DCC: variants seen among roughly 807,000 people sequenced by gnomAD.
The protein encoded by DCC is netrin receptor DCC.
Under a neutral mutation model 172.5 loss-of-function variants are expected in DCC, and 58 were observed. The observed-to-expected ratio is 0.34, with a 90% CI of 0.27 to 0.42. The LOEUF (loss-of-function observed/expected upper bound fraction) is 0.42. Ranked by LOEUF, DCC falls within the 10% of genes least tolerant of loss-of-function variation. The pLI is 1.00. For synonymous variants in DCC, 709 were observed against 644.5 expected (o/e 1.10, Z -1.52); for missense variants, 1,740 against 1,791.0 (o/e 0.97, Z 0.51).
At chr18:53,336,140 T>A (rs1186855118) in intron 14 of DCC, among the ~76,000 whole-genome samples, 1 of 152,196 alleles carries the variant, frequency 6.6e-6, no homozygotes, top group Admixed American at 6.5e-5. Flanking sequence ...ATAACTACTC[T>A]ACTATTCCTC....
At chr18:53,313,065 T>TAA (rs1351862789) in intron 13 of DCC, among the ~76,000 whole-genome samples, 631 of 40,186 alleles carry the variant, frequency 0.016, 3 homozygotes, top group Admixed American at 0.057. Context: ...AAGGAAAGGG[T>TAA]GGAAAGGAAG....
chr18:53,512,570 T>G (rs1018438313), intron 27 of DCC, among the ~76,000 whole-genome samples: 21 of 147,950 alleles, frequency 1.4e-4, no homozygotes, highest in African/African-American at 5.0e-4. Flanking sequence ...TGAAAAAAAT[T>G]TAGAAGAATG....
chr18:53,136,209 C>CTATCTA (rs1052070144), intron 7 of DCC, among the ~76,000 whole-genome samples: 1 of 144,296 alleles, frequency 6.9e-6, no homozygotes, highest in Non-Finnish European at 1.5e-5. Context: ...ATCTATCTAT[C>CTATCTA]TATATATATA....
At chr18:52,475,804 T>C (rs1021091287) in intron 1 of DCC, among the ~76,000 whole-genome samples, 2 of 152,110 alleles carry the variant, frequency 1.3e-5, no homozygotes, top group African/African-American at 4.8e-5. Context: ...AAAACAACAT[T>C]TTTTGCCTGG....
At chr18:53,242,757 A>C (rs1568386831) in intron 12 of DCC, among the ~76,000 whole-genome samples, 1 of 152,296 alleles carries the variant, frequency 6.6e-6, no homozygotes, top group East Asian at 1.9e-4. Context: ...TTTTCCAAAA[A>C]AAATGTGCCA....
intron 12 of DCC, among the ~76,000 whole-genome samples, chr18:53,234,883 T>C (rs190011361): frequency 6.6e-6 from 1 of 152,352 alleles, no homozygotes; most frequent in African/African-American, 2.4e-5. Context: ...GACTAGATGG[T>C]TTGTTCCTTT....
chr18:53,058,164 G>A (rs1027527125), intron 5 of DCC, among the ~76,000 whole-genome samples: 2 of 152,056 alleles, frequency 1.3e-5, no homozygotes, highest in Non-Finnish European at 2.9e-5. Context: ...TTTTCTATCT[G>A]TAAAATAAAA....
At chr18:52,517,929 T>A (rs1256097297) in intron 1 of DCC, among the ~76,000 whole-genome samples, 1 of 152,214 alleles carries the variant, frequency 6.6e-6, no homozygotes, top group Non-Finnish European at 1.5e-5. Flanking sequence ...ATTATTCTTT[T>A]AAATTATTAT....
At chr18:52,627,951 A>T (rs1373905184) in intron 1 of DCC, among the ~76,000 whole-genome samples, 1 of 152,036 alleles carries the variant, frequency 6.6e-6, no homozygotes, top group Non-Finnish European at 1.5e-5. Context: ...TATGTTCATG[A>T]TTCTTTCTAG....
intron 2 of DCC, among the ~76,000 whole-genome samples, chr18:52,768,358 A>G (rs1169648270): frequency 1.3e-5 from 2 of 152,136 alleles, no homozygotes; most frequent in Admixed American, 1.3e-4. Flanking sequence ...TTGCAGGGAG[A>G]AGGCTTACCT....
chr18:53,415,323 C>T (rs1056397310), intron 20 of DCC, among the ~76,000 whole-genome samples: 11 of 151,952 alleles, frequency 7.2e-5, no homozygotes, highest in Non-Finnish European at 1.5e-4. Flanking sequence ...GTTAAATACG[C>T]CCAAAAGACT....
intron 5 of DCC, among the ~76,000 whole-genome samples, chr18:52,998,736 C>T (rs1210346105): frequency 6.6e-6 from 1 of 151,978 alleles, no homozygotes; most frequent in Admixed American, 6.6e-5. Context: ...GAGAATATCT[C>T]GAATGTGTAC....
At chr18:52,699,000 G>T (rs545753916) in intron 1 of DCC, among the ~76,000 whole-genome samples, 1 of 152,242 alleles carries the variant, frequency 6.6e-6, no homozygotes, top group African/African-American at 2.4e-5. Context: ...TGTGGTGTTT[G>T]TTATATGTGC....
At chr18:53,082,401 G>A (rs542948932) in intron 7 of DCC, among the ~76,000 whole-genome samples, 12 of 151,852 alleles carry the variant, frequency 7.9e-5, no homozygotes, top group Non-Finnish European at 1.6e-4. Flanking sequence ...TTCTCTTTTA[G>A]GGTAACACTT....
rs71175505 is a variant in DCC at position 52,540,597 on chromosome 18, C to CTTTTTTTT, written c.91+199739_91+199746dup. On this transcript the variant is annotated intron_variant, in intron 1 of 28. Transcript: ENST00000442544. ...ACTACCGTTAGGTGTATTCAACTGC[C>CTTTTTTTT]TTTTTTTTTTTTTTTTTTTTTTTTT... Among the ~76,000 whole-genome samples, 9 of 67,492 alleles carry CTTTTTTTT rather than the reference C, an allele frequency of 1.3e-4. 2 individuals are homozygous for CTTTTTTTT. The highest frequency in any genetic ancestry group is 2.1e-4 in the Admixed American group (1 of 4,666). The allele number at this position is 67,492 out of a possible 152,430, so 44.3% of individuals were successfully genotyped here.
intron 1 of DCC, among the ~76,000 whole-genome samples, chr18:52,735,193 CT>C (rs1180197994): frequency 6.6e-6 from 1 of 152,128 alleles, no homozygotes; most frequent in African/African-American, 2.4e-5. Context: ...GAGAAACTGT[CT>C]TCATGGAGAC....
rs147318147 is a variant in DCC, at chr18:53,081,923, G to T, written c.1261+15757G>T. Among the ~76,000 whole-genome samples the T allele has an allele frequency of 4.6e-5, 7 of 152,104 alleles. No individual in the cohort carries two copies. In the East Asian group the frequency reaches 7.7e-4, roughly 17 times the overall value. On this transcript the variant is annotated intron_variant, in intron 7 of 28. Coordinates refer to ENST00000442544, the MANE Select transcript of DCC (RefSeq NM_005215.4). ...GAATTGGGGACAGTTAAGGGTCAGG[G>T]TTTTACCTCTTAAAAGCTACACTTT...
intron 5 of DCC, among the ~76,000 whole-genome samples, chr18:52,969,620 TC>T (rs1711558543): frequency 2.0e-5 from 3 of 148,774 alleles, no homozygotes; most frequent in East Asian, 2.0e-4. Context: ...TCTCTCTCTC[TC>T]TTTCTGTGAC....
chr18:53,190,525 G>A (rs1285053791), intron 9 of DCC, among the ~76,000 whole-genome samples: 1 of 150,986 alleles, frequency 6.6e-6, no homozygotes, highest in African/African-American at 2.4e-5. Context: ...GATTAGCCAT[G>A]ATCGTTTCAG....
Sources: gnomAD v4.1 joint callset for allele counts (sites outside exome capture counted in the v4.1 genomes callset) on GRCh38, gnomAD v4.1.1 for gene constraint, MANE v1.5 for transcripts, NCBI Gene and HGNC (gene_info 2026-07-23, HGNC 2026-07-21) for gene names.